The following TP53BP1 variants were observed in gnomAD, a reference collection of about 807,000 sequenced individuals.
TP53BP1 encodes the protein tumor protein p53 binding protein 1, also known as TP53-binding protein 1.
Under a neutral mutation model 200.8 loss-of-function variants are expected in TP53BP1, and 61 were observed. The observed-to-expected ratio is 0.30, with a 90% CI of 0.25 to 0.38. The LOEUF is 0.38. Among genes scored for constraint, TP53BP1 ranks in the 10% least tolerant of loss-of-function variants. The probability of loss-of-function intolerance (pLI) is 1.00; values close to 1 mark genes in which losing one functional copy is unlikely to be tolerated. For missense variants in TP53BP1, 2,144 were observed against 2,371.9 expected (o/e 0.90, Z 2.00); for synonymous variants, 822 against 844.3 (o/e 0.97, Z 0.46).
intron 11 of TP53BP1, among the ~76,000 whole-genome samples, chr15:43,468,791 T>C (rs888362316): frequency 2.0e-5 from 3 of 152,212 alleles, no homozygotes; most frequent in African/African-American, 7.2e-5. Flanking sequence ...TCAATTTCAA[T>C]TGGTCACAAA....
chr15:43,423,660 A>C (rs941752245), intron 18 of TP53BP1, among the ~76,000 whole-genome samples: 1 of 148,952 alleles, frequency 6.7e-6, no homozygotes, highest in African/African-American at 2.6e-5. Context: ...TCCACCTCAA[A>C]AAAAAAAAAA....
intron 14 of TP53BP1, among the ~76,000 whole-genome samples, chr15:43,443,406 G>T (rs1007131451): frequency 2.6e-5 from 4 of 152,088 alleles, no homozygotes; most frequent in African/African-American, 9.7e-5. Context: ...CAAAAACAAA[G>T]GGTGGCCAGG....
chr15:43,510,053 C>G (rs2079263589), intron 1 of TP53BP1, among the ~76,000 whole-genome samples: 1 of 151,830 alleles, frequency 6.6e-6, no homozygotes, highest in African/African-American at 2.4e-5. Context: ...ATGTTCCAGT[C>G]AGTCATAAAA....
intron 11 of TP53BP1, among the ~76,000 whole-genome samples, chr15:43,462,444 G>A (rs2046461804): frequency 6.6e-6 from 1 of 151,814 alleles, no homozygotes; most frequent in South Asian, 2.1e-4. Context: ...CCAGGAGCTG[G>A]GACTACAGGC....
At chr15:43,465,716 GAAAATCCTAC>G (rs1246789079) in intron 11 of TP53BP1, among the ~76,000 whole-genome samples, 1 of 152,186 alleles carries the variant, frequency 6.6e-6, no homozygotes, top group Non-Finnish European at 1.5e-5. Context: ...GGAACGAAGA[GAAAATCCTAC>G]AGGATTCCAG....
chr15:43,484,440 A>T (rs935394811), intron 4 of TP53BP1, among the ~76,000 whole-genome samples: 2 of 152,186 alleles, frequency 1.3e-5, no homozygotes, highest in African/African-American at 2.4e-5. Flanking sequence ...TTCTTAATCA[A>T]GCAGCCAGAG....
intron 14 of TP53BP1, among the ~76,000 whole-genome samples, chr15:43,442,957 C>G (rs1369078337): frequency 6.6e-6 from 1 of 150,406 alleles, no homozygotes; most frequent in Non-Finnish European, 1.5e-5. Flanking sequence ...TCCCGAGTAG[C>G]TGGGATTACA....
rs760460720 is a variant in TP53BP1, at chr15:43,422,063, C to T, written c.3892G>A (p.Gly1298Arg). ...CETEVSPSQTGGSSGDLGDIS... is the reference protein window; with the variant it reads ...CETEVSPSQTRGSSGDLGDIS... The stretch of plus-strand genomic sequence containing the variant: ...TCCCCCAGGTCACCTGAGGAGCCCC[C>T]AGTCTGTGAAGGGGAAACTTCAGTT... Residue 1298 changes from glycine to arginine, a missense_variant, in exon 19 of 28, where the codon GGG becomes AGG. By Grantham distance (125) the Gly-to-Arg change is moderately radical. Coordinates refer to ENST00000382044, the MANE Select transcript of TP53BP1 (RefSeq NM_001141980.3). The T allele has an allele frequency of 6.2e-7, 1 of 1,614,170 alleles. No homozygotes were observed. The highest frequency in any genetic ancestry group is 1.7e-5 in the Admixed American group (1 of 60,024).
At chr15:43,416,493 G>T in intron 21 of TP53BP1, 77 bp from the exon 22 acceptor site, 1 of 1,415,094 alleles carries the variant, frequency 7.1e-7, no homozygotes, top group Non-Finnish European at 9.7e-7. Flanking sequence ...GCTCTGTAAA[G>T]CAGGCCTGAG....
At chr15:43,453,741 C>T (rs1566943318) in intron 12 of TP53BP1, among the ~76,000 whole-genome samples, 1 of 151,834 alleles carries the variant, frequency 6.6e-6, no homozygotes, top group East Asian at 1.9e-4. Flanking sequence ...GATGAGGTTT[C>T]ATCATGTTGG....
In TP53BP1 at chr15:43,488,468, C is replaced by T. The variant is rs181442257; in HGVS notation, c.371+3201G>A. On this transcript the variant is annotated intron_variant, in intron 4 of 27. Transcript: ENST00000382044. ...AAAAGGGCAACAATAAACATCCTTG[C>T]AGTGTTAGAACTGTATCTTGACTGT... 8.0e-3 allele frequency among the ~76,000 whole-genome samples: 1,221 copies of T among 152,272 alleles called. 13 individuals are homozygous for T. Among genetic ancestry groups the T allele is most frequent in the Non-Finnish European group, 0.011 (764 of 68,020 alleles).
At chr15:43,444,333 C>G (rs2045994370) in intron 14 of TP53BP1, among the ~76,000 whole-genome samples, 1 of 152,140 alleles carries the variant, frequency 6.6e-6, no homozygotes. Flanking sequence ...TCTTGTACTT[C>G]TGGGTTTAAG....
At chr15:43,473,587 A>C (rs1192991417) in intron 10 of TP53BP1, among the ~76,000 whole-genome samples, 1 of 152,064 alleles carries the variant, frequency 6.6e-6, no homozygotes, top group African/African-American at 2.4e-5. Flanking sequence ...TGTATTTACA[A>C]TCCCTGAGCT....
intron 23 of TP53BP1, among the ~76,000 whole-genome samples, chr15:43,414,672 CG>C (rs939121280): frequency 1.5e-4 from 22 of 150,984 alleles, no homozygotes; most frequent in Non-Finnish European, 2.5e-4. Context: ...GGGGTTGTTT[CG>C]GGGATAATGG....
At chr15:43,468,379 T>C (rs2140087442) in intron 11 of TP53BP1, among the ~76,000 whole-genome samples, 1 of 152,100 alleles carries the variant, frequency 6.6e-6, no homozygotes, top group Non-Finnish European at 1.5e-5. Context: ...ACCCCGTCTC[T>C]ATAAGAAAAA....
At chr15:43,479,246 TCAA>T in intron 7 of TP53BP1, 148 bp downstream of exon 7, 1 of 737,166 alleles carries the variant, frequency 1.4e-6, no homozygotes, top group Admixed American at 3.1e-5. Context: ...TCATAAATAA[TCAA>T]CGTTTCCAAT....
At position 43,475,663 on chromosome 15, in the gene TP53BP1, C is replaced by T. The variant is rs35329973; in HGVS notation, c.987G>A (p.Arg329=). The change falls in exon 9 of 28, where the codon AGG becomes AGA. Residue 329 remains arginine (R), a synonymous_variant. Transcript: ENST00000382044. Reference sequence around the variant, plus strand: ...AAGCCAAAGAACACCCACCTTCCTCCCTTGAAGGAGTAGAGCAACCATCAG... The same window carrying T: ...AAGCCAAAGAACACCCACCTTCCTCTCTTGAAGGAGTAGAGCAACCATCAG... ...VSSDGCSTPS[R]EEGGCSLAST... 573 of 1,613,974 alleles carry T rather than the reference C, an allele frequency of 3.6e-4. 6 individuals are homozygous for T. In the African/African-American group the frequency reaches 6.8e-3, roughly 19 times the overall value.
At chr15:43,442,744 C>T (rs1004022660) in intron 14 of TP53BP1, among the ~76,000 whole-genome samples, 3 of 151,528 alleles carry the variant, frequency 2.0e-5, no homozygotes, top group Non-Finnish European at 2.9e-5. Flanking sequence ...GTGATTCACC[C>T]GCCTCAGGTT....
At chr15:43,507,427 G>A (rs1447586506) in intron 1 of TP53BP1, among the ~76,000 whole-genome samples, 7 of 152,122 alleles carry the variant, frequency 4.6e-5, no homozygotes, top group South Asian at 4.1e-4. Context: ...GAGCCACTGC[G>A]CCCAGCTAGT....
Sources: allele counts gnomAD v4.1 joint callset (sites outside exome capture counted in the v4.1 genomes callset), GRCh38; gene constraint gnomAD v4.1.1; transcripts MANE v1.5; gene names NCBI Gene and HGNC (gene_info 2026-07-23, HGNC 2026-07-21).